The following KCNA2 variants were observed in gnomAD, a reference collection of about 807,000 sequenced individuals.
KCNA2 encodes the protein potassium voltage-gated channel subfamily A member 2.
In KCNA2, 11 loss-of-function variants were observed where a neutral mutation model predicts 33.4. The observed-to-expected ratio is 0.33, with a 90% CI of 0.21 to 0.55. The LOEUF (loss-of-function observed/expected upper bound fraction) is 0.55, where lower values mean the gene tolerates loss of function less well. Among genes scored for constraint, KCNA2 ranks in the 20% least tolerant of loss-of-function variants. KCNA2 has a pLI of 0.93. For synonymous variants in KCNA2, 222 were observed against 231.3 expected (o/e 0.96, Z 0.37); for missense variants, 291 against 621.6 (o/e 0.47, Z 5.66).
At chr1:110,627,571 G>T (rs1342871970) in intron 1 of KCNA2, among the ~76,000 whole-genome samples, 2 of 152,080 alleles carry the variant, frequency 1.3e-5, no homozygotes, top group African/African-American at 2.4e-5. Flanking sequence ...GCTAGCTCCT[G>T]GGTTTCTCTC....
At position 110,595,625 on chromosome 1, in the gene KCNA2, G is replaced by GAA. The variant is rs1649061808; in HGVS notation, c.*7656_*7657dup. ...CTAACACACTAGCAGGCAAGAGGGA[G>GAA]AATGAGAGCAGGTTTTAGCTTGCAT... On this transcript the variant is annotated 3_prime_UTR_variant, in exon 3 of 3. Coordinates refer to ENST00000316361, the MANE Select transcript of KCNA2 (RefSeq NM_004974.4). 2 of 985,458 alleles carry GAA rather than the reference G, an allele frequency of 2.0e-6. No homozygotes were observed. Among genetic ancestry groups the GAA allele is most frequent in the East Asian group, 2.3e-4 (2 of 8,814 alleles). 61.0% of individuals were successfully genotyped at this position (985,458 alleles called of 1,614,324 possible).
chr1:110,624,760 A>G (rs1650349453), intron 1 of KCNA2, among the ~76,000 whole-genome samples: 1 of 152,166 alleles, frequency 6.6e-6, no homozygotes, highest in South Asian at 2.1e-4. Flanking sequence ...TACATTTTCA[A>G]TAATCTGCAC....
At position 110,606,319 on chromosome 1, in the gene KCNA2, G is replaced by C. The variant is rs569616089; in HGVS notation, c.-587C>G. 51 of 152,366 alleles carry C rather than the reference G, an allele frequency of 3.3e-4. No individual in the cohort carries two copies. The highest frequency in any genetic ancestry group is 1.2e-3 in the African/African-American group (49 of 41,582). The allele number at this position is 152,366 out of a possible 1,614,324, so 9.4% of individuals were successfully genotyped here. A position where few individuals can be genotyped will look rare whatever the true frequency, so the allele number is the denominator to read the frequency against. The stretch of plus-strand genomic sequence containing the variant: ...GCTCGACCACTGATTTCTCCCCCAA[G>C]AGAAAATCCCTCACATCTCCTCGGC... On this transcript the variant is annotated 5_prime_UTR_variant, in exon 1 of 3. Transcript: ENST00000316361.
intron 1 of KCNA2, among the ~76,000 whole-genome samples, chr1:110,623,671 A>G (rs1306262032): frequency 6.6e-6 from 1 of 152,238 alleles, no homozygotes; most frequent in Non-Finnish European, 1.5e-5. Flanking sequence ...CTGGGATTAC[A>G]GGCATGAGCC....
At position 110,601,286 on chromosome 1, in the gene KCNA2, G is replaced by A; in HGVS notation, c.*1997C>T. Reference sequence around the variant, plus strand: ...ACTTCAGACATTTCCACATAGAGGAGGCTCCCTTTAGGTCCAGATCAGTGG... The same window carrying A: ...ACTTCAGACATTTCCACATAGAGGAAGCTCCCTTTAGGTCCAGATCAGTGG... On this transcript the variant is annotated 3_prime_UTR_variant, in exon 3 of 3. Transcript: ENST00000316361. The A allele has an allele frequency of 2.0e-6, 2 of 985,386 alleles. No homozygotes were observed. Among genetic ancestry groups the A allele is most frequent in the South Asian group, 4.7e-5 (1 of 21,282 alleles). 61.0% of individuals were successfully genotyped at this position (985,386 alleles called of 1,614,324 possible). A position where few individuals can be genotyped will look rare whatever the true frequency, so the allele number is the denominator to read the frequency against.
At chr1:110,612,203 G>C (rs61784712) in intron 1 of KCNA2, among the ~76,000 whole-genome samples, 12 of 152,102 alleles carry the variant, frequency 7.9e-5, no homozygotes, top group Admixed American at 2.0e-4. Context: ...ACAGTCACGC[G>C]TCACCTAACG....
chr1:110,593,933 A>C lies in KCNA2; in HGVS notation c.*9350T>G. On this transcript the variant is annotated 3_prime_UTR_variant, in exon 3 of 3. Transcript: ENST00000316361. ...CAATGTAGTTACAGCTGGTGTCTAA[A>C]TTTTCAAGAAGCAAACAAATAGTTA... 1 of 1,549,540 alleles carries C rather than the reference A, an allele frequency of 6.5e-7. No homozygotes were observed. The highest frequency in any genetic ancestry group is 2.5e-5 in the East Asian group (1 of 40,790).
At position 110,595,248 on chromosome 1, in the gene KCNA2, A is replaced by C; in HGVS notation, c.*8035T>G. 1.0e-6 allele frequency: 1 copy of C among 985,460 alleles called. No homozygotes were observed. 61.0% of individuals were successfully genotyped at this position (985,460 alleles called of 1,614,324 possible). ...AATGATGCAGGGAGTTCTCAGCTGC[A>C]AACTCATCTGGAACATATTAGACTA... On this transcript the variant is annotated 3_prime_UTR_variant, in exon 3 of 3. Coordinates refer to ENST00000316361, the MANE Select transcript of KCNA2 (RefSeq NM_004974.4).
rs200499541 is a variant in KCNA2 at position 110,604,411 on chromosome 1, C to T, written c.372G>A (p.Glu124=). ...TGTAGCCTTCATCTTCCCGAAACAT[C>T]TCCATCGCTTCTTCTCCCAGCTCAT... The part of the protein sequence containing the change: ...RFYELGEEAM[E]MFREDEGYIK... The change falls in exon 3 of 3, where the codon GAG becomes GAA. Residue 124 remains glutamate (E), a synonymous_variant. Coordinates refer to ENST00000316361, the MANE Select transcript of KCNA2 (RefSeq NM_004974.4). The surrounding 1 kb of genome is among the most constrained non-coding windows in gnomAD (Gnocchi z 7.6). 2.5e-4 allele frequency: 409 copies of T among 1,614,092 alleles called. No individual in the cohort carries two copies. Among genetic ancestry groups the T allele is most frequent in the Non-Finnish European group, 3.1e-4 (361 of 1,180,056 alleles).
rs1649321584 is a variant in KCNA2, at chr1:110,601,086, G to A, written c.*2197C>T. On this transcript the variant is annotated 3_prime_UTR_variant, in exon 3 of 3. Transcript: ENST00000316361. ...TCAACCTACTGTCTACCTTTAGGCT[G>A]TGCAGTGCTCATTTGCACTCTACTT... 4.1e-6 allele frequency: 4 copies of A among 985,450 alleles called. No homozygotes were observed. Among genetic ancestry groups the A allele is most frequent in the South Asian group, 4.7e-5 (1 of 21,288 alleles). 61.0% of individuals were successfully genotyped at this position (985,450 alleles called of 1,614,324 possible). A position where few individuals can be genotyped will look rare whatever the true frequency, so the allele number is the denominator to read the frequency against.
rs1464022141 is a variant in KCNA2, at chr1:110,599,850, C to A, written c.*3433G>T. 1.1e-5 allele frequency: 11 copies of A among 985,340 alleles called. No homozygotes were observed. The highest frequency in any genetic ancestry group is 3.5e-5 in the African/African-American group (2 of 57,204). 61.0% of individuals were successfully genotyped at this position (985,340 alleles called of 1,614,324 possible). ...GGATTTGCTGGAAGGAAGGAAGGGT[C>A]ATGGCAAGGAGGCCTATATTAGGCT... On this transcript the variant is annotated 3_prime_UTR_variant, in exon 3 of 3. Coordinates refer to ENST00000316361, the MANE Select transcript of KCNA2 (RefSeq NM_004974.4).
chr1:110,614,106 C>T (rs989534570), intron 1 of KCNA2, among the ~76,000 whole-genome samples: 4 of 152,222 alleles, frequency 2.6e-5, no homozygotes, highest in African/African-American at 9.7e-5. Flanking sequence ...TCTTCCTCCC[C>T]TCCCCTGCAC....
At chr1:110,627,306 G>A (rs1443075443) in intron 1 of KCNA2, among the ~76,000 whole-genome samples, 1 of 152,184 alleles carries the variant, frequency 6.6e-6, no homozygotes, top group Non-Finnish European at 1.5e-5. Flanking sequence ...TTAATGAGAC[G>A]CTGGAAAGAA....
In KCNA2 at chr1:110,597,509, G is replaced by A. The variant is rs974640665; in HGVS notation, c.*5774C>T. ...GAGAGGGGACAGAGACACACATGGA[G>A]ACAGAGAGGTGCACACAGGAAGGAG... On this transcript the variant is annotated 3_prime_UTR_variant, in exon 3 of 3. Transcript: ENST00000316361. 1.0e-6 allele frequency: 1 copy of A among 985,236 alleles called. No individual in the cohort carries two copies. The highest frequency in any genetic ancestry group is 1.7e-5 in the African/African-American group (1 of 57,228). The allele number at this position is 985,236 out of a possible 1,614,324, so 61.0% of individuals were successfully genotyped here. A position where few individuals can be genotyped will look rare whatever the true frequency, so the allele number is the denominator to read the frequency against.
At chr1:110,613,602 G>T (rs1418033493) in intron 1 of KCNA2, among the ~76,000 whole-genome samples, 1 of 152,170 alleles carries the variant, frequency 6.6e-6, no homozygotes, top group Non-Finnish European at 1.5e-5. Flanking sequence ...TGCCCAAGAG[G>T]CTGAGAGGGG....
intron 1 of KCNA2, among the ~76,000 whole-genome samples, chr1:110,616,370 G>C (rs998009204): frequency 1.3e-5 from 2 of 152,146 alleles, no homozygotes; most frequent in Non-Finnish European, 2.9e-5. Context: ...GTGGGACAGC[G>C]GGGTAGAGGG....
Position 110,600,023 on chromosome 1 carries a change from C to G in KCNA2, c.*3260G>C. ...CCTCCTGCTTGAAACCTAGGAGTTACTTCTCAGGAGTGAAATCTGGTAGTG... is the reference window on the plus strand; with the variant it reads ...CCTCCTGCTTGAAACCTAGGAGTTAGTTCTCAGGAGTGAAATCTGGTAGTG... On this transcript the variant is annotated 3_prime_UTR_variant, in exon 3 of 3. Coordinates refer to ENST00000316361, the MANE Select transcript of KCNA2 (RefSeq NM_004974.4). The G allele has an allele frequency of 1.0e-6, 1 of 985,090 alleles. No individual in the cohort carries two copies. Among genetic ancestry groups the G allele is most frequent in the Non-Finnish European group, 1.2e-6 (1 of 829,890 alleles). 61.0% of individuals were successfully genotyped at this position (985,090 alleles called of 1,614,324 possible).
chr1:110,602,389 C>A lies in KCNA2; in HGVS notation c.*894G>T. ...CTCCTGTGTTTTAAATATTGAGATT[C>A]ATGCAACAAACACCCATGCAGCTCT... is the stretch of plus-strand genomic sequence containing the variant. On this transcript the variant is annotated 3_prime_UTR_variant, in exon 3 of 3. Transcript: ENST00000316361. 1 of 1,395,568 alleles carries A rather than the reference C, an allele frequency of 7.2e-7. No homozygotes were observed. Among genetic ancestry groups the A allele is most frequent in the Non-Finnish European group, 9.3e-7 (1 of 1,078,856 alleles). 86.4% of individuals were successfully genotyped at this position (1,395,568 alleles called of 1,614,324 possible).
chr1:110,613,085 G>C (rs539932980), intron 1 of KCNA2, among the ~76,000 whole-genome samples: 1 of 152,378 alleles, frequency 6.6e-6, no homozygotes, highest in Admixed American at 6.5e-5. Context: ...AAGGTGTCAA[G>C]AAACGTGAGC....
Sources: gnomAD v4.1 joint callset for allele counts (sites outside exome capture counted in the v4.1 genomes callset) on GRCh38, gnomAD v4.1.1 for gene constraint, Gnocchi (gnomAD v3.1) non-coding constraint, MANE v1.5 for transcripts, NCBI Gene and HGNC (gene_info 2026-07-23, HGNC 2026-07-21) for gene names.